Variants in KPNA5 observed in about 807,000 individuals in gnomAD.
KPNA5 encodes the protein karyopherin subunit alpha 5.
Under a neutral mutation model 71.3 loss-of-function variants are expected in KPNA5, and 46 were observed. The observed-to-expected ratio is 0.65, with a 90% confidence interval of 0.51 to 0.83. The LOEUF (loss-of-function observed/expected upper bound fraction) is 0.83, where lower values mean the gene tolerates loss of function less well. Among genes scored for constraint, KPNA5 ranks in the 40% least tolerant of loss-of-function variants. The pLI is 0.00. For synonymous variants in KPNA5, 207 were observed against 201.4 expected (o/e 1.03, Z -0.24); for missense variants, 547 against 628.3 (o/e 0.87, Z 1.38).
chr6:116,732,115 T>TATATATATATATATATATATAC (rs1779517862), intron 13 of KPNA5, 21 bp from the exon 14 acceptor site: 1 of 341,412 alleles, frequency 2.9e-6, no homozygotes, highest in Non-Finnish European at 5.0e-6. Context: ...TATATATATA[T>TATATATATATATATATATATAC]ATATATACTT....
At chr6:116,707,344 C>A (rs938381813) in intron 7 of KPNA5, among the ~76,000 whole-genome samples, 1 of 151,972 alleles carries the variant, frequency 6.6e-6, no homozygotes, top group African/African-American at 2.4e-5. Flanking sequence ...TATAAACTAT[C>A]CTGATACAAT....
At chr6:116,687,817 G>T (rs1234634256) in intron 1 of KPNA5, among the ~76,000 whole-genome samples, 1 of 152,102 alleles carries the variant, frequency 6.6e-6, no homozygotes, top group East Asian at 1.9e-4. Context: ...TGTTTTCATT[G>T]TAGTAACTTG....
intron 10 of KPNA5, 118 bp downstream of exon 10, chr6:116,724,493 GTC>G: frequency 1.6e-6 from 1 of 622,270 alleles, no homozygotes; most frequent in Non-Finnish European, 2.9e-6. Flanking sequence ...TTGTGTGTGT[GTC>G]TGTATCTGTG....
intron 11 of KPNA5, among the ~76,000 whole-genome samples, chr6:116,726,082 G>GTA (rs1232478176): frequency 3.9e-5 from 6 of 152,142 alleles, no homozygotes; most frequent in African/African-American, 1.4e-4. Flanking sequence ...GTGTGTGTGT[G>GTA]TCTAGCACAG....
chr6:116,689,982 G>A (rs1562428104), intron 2 of KPNA5, among the ~76,000 whole-genome samples: 2 of 152,224 alleles, frequency 1.3e-5, no homozygotes, highest in East Asian at 3.9e-4. Flanking sequence ...AAATGTAGAA[G>A]TATTTGTAAG....
intron 7 of KPNA5, among the ~76,000 whole-genome samples, chr6:116,705,880 G>C (rs1231362084): frequency 6.6e-6 from 1 of 152,144 alleles, no homozygotes; most frequent in South Asian, 2.1e-4. Flanking sequence ...TACATTTCTA[G>C]ACACTAGTTT....
chr6:116,711,565 T>TGTG (rs1243794649), intron 7 of KPNA5, among the ~76,000 whole-genome samples: 1 of 151,658 alleles, frequency 6.6e-6, no homozygotes, highest in African/African-American at 2.4e-5. Context: ...TGTGTGTGTG[T>TGTG]TTTAACTCAC....
At position 116,719,450 on chromosome 6, in the gene KPNA5, CTT is replaced by C. The variant is rs537251764; in HGVS notation, c.757-2673_757-2672del. Among the ~76,000 whole-genome samples the C allele has an allele frequency of 1.6e-4, 25 of 152,274 alleles. No individual in the cohort carries two copies. The East Asian group carries it at 2.5e-3, about 15-fold the overall frequency. On this transcript the variant is annotated intron_variant, in intron 8 of 13. Coordinates refer to ENST00000368564, the MANE Select transcript of KPNA5 (RefSeq NM_001366306.2). ...TTAGAGGAACACTAAATTTCAGTCT[CTT>C]TTGTGAGACCATTCAGTTTTTTTAG...
At position 116,740,296 on chromosome 6, in the gene KPNA5, A is replaced by G. The variant is rs1278857749; in HGVS notation, c.*7973A>G. On this transcript the variant is annotated 3_prime_UTR_variant, in exon 14 of 14. Transcript: ENST00000368564. Reference sequence around the variant, plus strand: ...ATGCAAATCAAAACCACAATGAGATACCATCTCACACCAGTCAGAATGGCA... The same window carrying G: ...ATGCAAATCAAAACCACAATGAGATGCCATCTCACACCAGTCAGAATGGCA... 1 of 152,220 alleles carries G rather than the reference A, an allele frequency of 6.6e-6. No individual in the cohort carries two copies. Among genetic ancestry groups the G allele is most frequent in the Non-Finnish European group, 1.5e-5 (1 of 68,040 alleles). 9.4% of individuals were successfully genotyped at this position (152,220 alleles called of 1,614,324 possible). A position where few individuals can be genotyped will look rare whatever the true frequency, so the allele number is the denominator to read the frequency against.
chr6:116,726,294 C>T (rs1054447874), intron 11 of KPNA5, among the ~76,000 whole-genome samples: 24 of 152,032 alleles, frequency 1.6e-4, no homozygotes, highest in African/African-American at 5.5e-4. Flanking sequence ...TTGCTATTCT[C>T]CAGTCTTTAA....
chr6:116,707,305 A>C (rs1041370201), intron 7 of KPNA5, among the ~76,000 whole-genome samples: 1 of 152,076 alleles, frequency 6.6e-6, no homozygotes, highest in Non-Finnish European at 1.5e-5. Context: ...TATTCATTTG[A>C]TTCTCAGTAA....
At chr6:116,698,083 T>C (rs900885629) in intron 4 of KPNA5, among the ~76,000 whole-genome samples, 2 of 152,030 alleles carry the variant, frequency 1.3e-5, no homozygotes, top group Non-Finnish European at 2.9e-5. Flanking sequence ...GGGTACGTTT[T>C]GCTGAAGCCA....
chr6:116,700,803 TGAAAG>T (rs1323443614), intron 5 of KPNA5, among the ~76,000 whole-genome samples: 1 of 152,242 alleles, frequency 6.6e-6, no homozygotes, highest in Non-Finnish European at 1.5e-5. Context: ...TAGTTAAAAA[TGAAAG>T]GAGGTTGAAT....
chr6:116,728,758 GAC>G (rs965287302), intron 12 of KPNA5, among the ~76,000 whole-genome samples: 1 of 151,972 alleles, frequency 6.6e-6, no homozygotes, highest in Non-Finnish European at 1.5e-5. Context: ...GGGAAACTGA[GAC>G]ACAGAGTAAT....
Position 116,725,842 on chromosome 6 carries a change from C to A in KPNA5, c.1091C>A (p.Ser364Tyr). 1 of 1,613,272 alleles carries A rather than the reference C, an allele frequency of 6.2e-7. No individual in the cohort carries two copies. The highest frequency in any genetic ancestry group is 8.5e-7 in the Non-Finnish European group (1 of 1,179,538). ...SIRKEACWTV[S>Y]NITAGNRAQI... is the part of the protein sequence containing the mutation. ...AGAAAAGAAGCCTGCTGGACTGTTT[C>A]TAACATCACTGCTGGAAATAGAGCT... is the stretch of plus-strand genomic sequence containing the variant. Residue 364 changes from serine (S) to tyrosine (Y), a missense_variant, in exon 11 of 14, where the codon TCT becomes TAT. Coordinates refer to ENST00000368564, the MANE Select transcript of KPNA5 (RefSeq NM_001366306.2).
At chr6:116,688,354 T>C (rs929404753) in intron 1 of KPNA5, among the ~76,000 whole-genome samples, 1 of 152,144 alleles carries the variant, frequency 6.6e-6, no homozygotes, top group Non-Finnish European at 1.5e-5. Flanking sequence ...CAACATTGTC[T>C]CTGGTTGGAC....
intron 7 of KPNA5, 115 bp downstream of exon 7, chr6:116,705,275 C>T (rs1003783818): frequency 2.8e-6 from 2 of 705,828 alleles, no homozygotes; most frequent in Non-Finnish European, 4.5e-6. Context: ...GTTATCAAGC[C>T]TGCAGTAGCT....
rs534533896 is a variant in KPNA5 at position 116,728,324 on chromosome 6, T to C, written c.1254-1239T>C. 3.9e-5 allele frequency among the ~76,000 whole-genome samples: 6 copies of C among 152,302 alleles called. No individual in the cohort carries two copies. In the South Asian group the frequency reaches 1.2e-3, roughly 32 times the overall value. On this transcript the variant is annotated intron_variant, in intron 12 of 13. Transcript: ENST00000368564. ...TTCTGTATATTATTGCTTTAATTTATTAGTATGGATTAAGTATCCAAACTG... is the reference window on the plus strand; with the variant it reads ...TTCTGTATATTATTGCTTTAATTTACTAGTATGGATTAAGTATCCAAACTG...
In KPNA5 at chr6:116,735,438, T is replaced by C. The variant is rs1355014312; in HGVS notation, c.*3115T>C. ...CTTAACCTTTATTCAGTTTAGTTTA[T>C]AGCATTACTGTTTTATGAAATGTGA... On this transcript the variant is annotated 3_prime_UTR_variant, in exon 14 of 14. Transcript: ENST00000368564. The C allele has an allele frequency of 6.6e-6, 1 of 151,708 alleles. No homozygotes were observed. The highest frequency in any genetic ancestry group is 1.5e-5 in the Non-Finnish European group (1 of 67,684). 9.4% of individuals were successfully genotyped at this position (151,708 alleles called of 1,614,324 possible).
Sources: gnomAD v4.1 joint callset for allele counts (sites outside exome capture counted in the v4.1 genomes callset) on GRCh38, gnomAD v4.1.1 for gene constraint, MANE v1.5 for transcripts, NCBI Gene and HGNC (gene_info 2026-07-23, HGNC 2026-07-21) for gene names.